TFIP11: variants seen among roughly 807,000 people sequenced by gnomAD.
TFIP11 encodes tuftelin-interacting protein 11.
Under a neutral mutation model 96.8 loss-of-function variants are expected in TFIP11, and 86 were observed. The ratio of observed to expected loss-of-function variants is 0.89; its 90% CI spans 0.75 to 1.06. The LOEUF (loss-of-function observed/expected upper bound fraction) is 1.06. TFIP11 is among the 50% of genes least tolerant of loss of function. TFIP11 has a pLI of 0.00. For missense variants in TFIP11, 881 were observed against 1,076.7 expected (o/e 0.82, Z 2.54); for synonymous variants, 405 against 395.2 (o/e 1.02, Z -0.29).
Position 26,506,143 on chromosome 22 carries a change from T to C in TFIP11, c.520+160A>G, listed in dbSNP as rs1286857025. Reference sequence around the variant, plus strand: ...ATTACTTATTTAACTTGAGCTTTGATAAAGCAAGGTAGCTTAGGAACGCAA... The same window carrying C: ...ATTACTTATTTAACTTGAGCTTTGACAAAGCAAGGTAGCTTAGGAACGCAA... On this transcript the variant is annotated intron_variant, in intron 6 of 14. Transcript: ENST00000407690. The C allele has an allele frequency of 1.5e-5, 10 of 654,554 alleles. No homozygotes were observed. In the East Asian group the frequency reaches 2.7e-4, roughly 17 times the overall value. The allele number at this position is 654,554 out of a possible 1,614,324, so 40.5% of individuals were successfully genotyped here. A position where few individuals can be genotyped will look rare whatever the true frequency, so the allele number is the denominator to read the frequency against.
At chr22:26,500,682 G>A (rs1922669180) in intron 8 of TFIP11, among the ~76,000 whole-genome samples, 1 of 150,244 alleles carries the variant, frequency 6.7e-6, no homozygotes, top group South Asian at 2.1e-4. Context: ...AAAGAGTCCT[G>A]AGGTTCAGTC....
Position 26,499,637 on chromosome 22 carries a change from A to G in TFIP11, c.802-6T>C, listed in dbSNP as rs760977008. 1 of 1,602,518 alleles carries G rather than the reference A, an allele frequency of 6.2e-7. No homozygotes were observed. Among genetic ancestry groups the G allele is most frequent in the African/African-American group, 1.3e-5 (1 of 74,828 alleles). ...CGGCCTGTCATGTCTATGACCTTGG[A>G]AAACATAGAGGGATGAAGGTTAACA... On this transcript the variant is annotated splice_region_variant and splice_polypyrimidine_tract_variant and intron_variant, in intron 8 of 14. Transcript: ENST00000407690.
chr22:26,505,004 A>C (rs1035037241), intron 6 of TFIP11, among the ~76,000 whole-genome samples: 3 of 152,160 alleles, frequency 2.0e-5, no homozygotes, highest in African/African-American at 7.2e-5. Context: ...TGAACCCAGG[A>C]GGTGGAAGTT....
intron 14 of TFIP11, chr22:26,493,873 T>C: frequency 2.3e-6 from 1 of 438,944 alleles, no homozygotes; most frequent in South Asian, 2.2e-5. Flanking sequence ...GGGCGGGGCC[T>C]GGGGTTAGAC....
At chr22:26,495,587 TATAC>T (rs1241497621) in intron 12 of TFIP11, among the ~76,000 whole-genome samples, 1 of 54,958 alleles carries the variant, frequency 1.8e-5, no homozygotes, top group Non-Finnish European at 4.8e-5. Flanking sequence ...TGTGTGTGTG[TATAC>T]ATATATACAT....
In TFIP11 at chr22:26,501,898, A is replaced by G; in HGVS notation, c.801+2T>C. 6.2e-7 allele frequency: 1 copy of G among 1,611,490 alleles called. No individual in the cohort carries two copies. The highest frequency in any genetic ancestry group is 1.1e-5 in the South Asian group (1 of 90,940). ...GTACCAGGTGTCCAAGGGCCCCTGTACCTTGACTTGAGAAAGTTCCTTCTG... is the reference window on the plus strand; with the variant it reads ...GTACCAGGTGTCCAAGGGCCCCTGTGCCTTGACTTGAGAAAGTTCCTTCTG... On this transcript the variant is annotated splice_donor_variant, in intron 8 of 14. Coordinates refer to ENST00000407690, the MANE Select transcript of TFIP11 (RefSeq NM_012143.4). LOFTEE classifies it high-confidence loss of function.
intron 12 of TFIP11, 127 bp downstream of exon 12, chr22:26,495,946 A>G (rs1921962335): frequency 1.5e-6 from 2 of 1,366,920 alleles, no homozygotes; most frequent in Non-Finnish European, 2.0e-6. Flanking sequence ...CCTTTTTCAC[A>G]GCAAGGAATA....
rs530813643 is a variant in TFIP11 at position 26,497,064 on chromosome 22, G to A, written c.1437-175C>T. 1.8e-4 allele frequency among the ~76,000 whole-genome samples: 27 copies of A among 152,260 alleles called. No homozygotes were observed. In the South Asian group the frequency reaches 5.2e-3, roughly 29 times the overall value. On this transcript the variant is annotated intron_variant, in intron 10 of 14. Coordinates refer to ENST00000407690, the MANE Select transcript of TFIP11 (RefSeq NM_012143.4). Reference sequence around the variant, plus strand: ...GCCAGACTGAGCCTGCCTCTTCCTTGTTCTCTTGACTCTCCTCTCAATCTG... The same window carrying A: ...GCCAGACTGAGCCTGCCTCTTCCTTATTCTCTTGACTCTCCTCTCAATCTG...
chr22:26,503,873 G>C (rs1244936798), intron 6 of TFIP11, 80 bp from the exon 7 acceptor site: 1 of 1,561,558 alleles, frequency 6.4e-7, no homozygotes, highest in East Asian at 2.2e-5. Flanking sequence ...TCAGTGAAAT[G>C]ACAGTTTCTT....
intron 7 of TFIP11, among the ~76,000 whole-genome samples, chr22:26,503,246 G>A (rs886550194): frequency 3.9e-5 from 6 of 151,962 alleles, no homozygotes; most frequent in African/African-American, 4.8e-5. Flanking sequence ...CCCTCCCACC[G>A]CAAGGGCTTC....
Position 26,496,397 on chromosome 22 carries a change from T to G in TFIP11, c.1606-81A>C, listed in dbSNP as rs149877968. Reference sequence around the variant, plus strand: ...CCCCTGTGTGGCTAAAGGCAAGAGCTGCCCCTGGAGGAGGCCCTGTGCTCT... The same window carrying G: ...CCCCTGTGTGGCTAAAGGCAAGAGCGGCCCCTGGAGGAGGCCCTGTGCTCT... On this transcript the variant is annotated intron_variant, in intron 11 of 14. Coordinates refer to ENST00000407690, the MANE Select transcript of TFIP11 (RefSeq NM_012143.4). The G allele has an allele frequency of 7.2e-4, 1,087 of 1,507,316 alleles. 13 individuals are homozygous for G. In the East Asian group the frequency reaches 0.024, roughly 33 times the overall value. 93.4% of individuals were successfully genotyped at this position (1,507,316 alleles called of 1,614,324 possible). A position where few individuals can be genotyped will look rare whatever the true frequency, so the allele number is the denominator to read the frequency against.
intron 11 of TFIP11, 130 bp from the exon 12 acceptor site, chr22:26,496,446 AT>A (rs1602201766): frequency 7.9e-7 from 1 of 1,267,388 alleles, no homozygotes; most frequent in Non-Finnish European, 1.1e-6. Context: ...TCCTTTGTAC[AT>A]TGCCAAACAA....
intron 4 of TFIP11, among the ~76,000 whole-genome samples, chr22:26,507,571 G>A (rs145628563): frequency 6.8e-4 from 103 of 150,918 alleles, no homozygotes; most frequent in African/African-American, 2.4e-3. Context: ...TTGAAGCTGC[G>A]GTGAACTATA....
At position 26,503,675 on chromosome 22, in the gene TFIP11, T is replaced by G. The variant is rs1923054811; in HGVS notation, c.639A>C (p.Glu213Asp). The change falls in exon 7 of 15, where the codon GAA becomes GAC. Residue 213 changes from glutamate (E) to aspartate (D), a missense_variant. Transcript: ENST00000407690. ...CCTGACTTCCAGTTACCTCTTCAGC[T>G]TCTTCCTCTGAGTCAACCACAGGGA... ...QDFPVVDSEE[E>D]AEEEFQKELS... The G allele has an allele frequency of 6.2e-7, 1 of 1,614,042 alleles. No homozygotes were observed.
In TFIP11 at chr22:26,495,260, C is replaced by CTT. The variant is rs150268332; in HGVS notation, c.1850-323_1850-322dup. Among the ~76,000 whole-genome samples the CTT allele has an allele frequency of 2.4e-3, 143 of 59,170 alleles. 16 individuals are homozygous for CTT. Among genetic ancestry groups the CTT allele is most frequent in the African/African-American group, 6.6e-3 (89 of 13,510 alleles). 38.8% of individuals were successfully genotyped at this position (59,170 alleles called of 152,430 possible). A position where few individuals can be genotyped will look rare whatever the true frequency, so the allele number is the denominator to read the frequency against. Reference sequence around the variant, plus strand: ...TACAGGCATAAGTCACAACTCCTGGCTTTTTTTTTTTTTTTTTTTTTTTTT... The same window carrying CTT: ...TACAGGCATAAGTCACAACTCCTGGCTTTTTTTTTTTTTTTTTTTTTTTTTTT... On this transcript the variant is annotated intron_variant, in intron 12 of 14. Coordinates refer to ENST00000407690, the MANE Select transcript of TFIP11 (RefSeq NM_012143.4).
chr22:26,492,713 C>T (rs1921365495), intron 14 of TFIP11: 2 of 243,664 alleles, frequency 8.2e-6, no homozygotes, highest in South Asian at 1.3e-4. Flanking sequence ...TTCCATTTCC[C>T]ACCACCAAAG....
At chr22:26,504,899 A>C (rs569746274) in intron 6 of TFIP11, among the ~76,000 whole-genome samples, 20 of 152,212 alleles carry the variant, frequency 1.3e-4, no homozygotes, top group Admixed American at 5.9e-4. Flanking sequence ...AACACAGTAA[A>C]ACCCTGTCTC....
Position 26,506,886 on chromosome 22 carries a change from C to A in TFIP11, c.252G>T (p.Gly84=), listed in dbSNP as rs779191281. Residue 84 remains glycine, a synonymous_variant, in exon 5 of 15, where the codon GGG becomes GGT. Coordinates refer to ENST00000407690, the MANE Select transcript of TFIP11 (RefSeq NM_012143.4). ...CCTCCTCCGCTGCCCCTTTCTTGAG[C>A]CCTGCGCTGATGAAGTTGACTGGCG... ...YSAPVNFISA[G]LKKGAAEEAE... is the part of the protein sequence containing the mutation. 8.1e-6 allele frequency: 13 copies of A among 1,614,084 alleles called. No homozygotes were observed. The highest frequency in any genetic ancestry group is 1.7e-5 in the Admixed American group (1 of 59,996).
chr22:26,502,240 C>T (rs771017974), intron 7 of TFIP11, 188 bp from the exon 8 acceptor site: 59 of 638,260 alleles, frequency 9.2e-5, no homozygotes, highest in Non-Finnish European at 1.4e-4. Context: ...TGACCCCATT[C>T]GCCCTCTTAC....
Sources: gnomAD v4.1 joint callset for allele counts (sites outside exome capture counted in the v4.1 genomes callset) on GRCh38, gnomAD v4.1.1 for gene constraint, MANE v1.5 for transcripts, NCBI Gene and HGNC (gene_info 2026-07-23, HGNC 2026-07-21) for gene names.